The following SAG variants were observed in gnomAD, a reference collection of about 807,000 sequenced individuals.
The protein encoded by SAG is S-antigen visual arrestin, also known as S-arrestin.
SAG carries 45 observed loss-of-function variants against 55.0 expected under a neutral mutation model. The observed-to-expected ratio is 0.82, with a 90% CI of 0.64 to 1.05. The LOEUF (loss-of-function observed/expected upper bound fraction) is 1.05, where lower values mean the gene tolerates loss of function less well. Ranked by LOEUF, SAG falls within the 50% of genes least tolerant of loss-of-function variation. The pLI is 0.00. For missense variants in SAG, 455 were observed against 512.1 expected, an observed-to-expected ratio of 0.89 and a Z score of 1.08; for synonymous variants, 189 against 197.4, an observed-to-expected ratio of 0.96 and a Z score of 0.36.
At chr2:233,327,065 C>T (rs1303888965) in intron 6 of SAG, 56 bp from the exon 7 acceptor site, 34 of 1,412,556 alleles carry the variant, frequency 2.4e-5, no homozygotes, top group South Asian at 4.6e-5. Flanking sequence ...CCCTCTGGCC[C>T]GGCACCCAGG....
At chr2:233,330,519 TCCTTCCTTCCTTCCTTCCTTCCTC>T (rs1288657433) in intron 9 of SAG, among the ~76,000 whole-genome samples, 4 of 147,980 alleles carry the variant, frequency 2.7e-5, no homozygotes. Flanking sequence ...CTTCCTTCCT[TCCTTCCTTCCTTCCTTCCTTCCTC>T]CCTTTCTTTC....
chr2:233,320,264 C>T (rs1700338064), intron 4 of SAG, among the ~76,000 whole-genome samples: 1 of 152,232 alleles, frequency 6.6e-6, no homozygotes. Context: ...GTCCAGACAT[C>T]CTGCCCTCTA....
chr2:233,315,265 G>C (rs1043110430), intron 2 of SAG, among the ~76,000 whole-genome samples: 1 of 142,114 alleles, frequency 7.0e-6, no homozygotes, highest in East Asian at 2.1e-4. Context: ...ACACCTCTTT[G>C]CGTTGTCCAG....
chr2:233,315,465 G>T (rs1700191916), intron 2 of SAG, among the ~76,000 whole-genome samples: 1 of 150,892 alleles, frequency 6.6e-6, no homozygotes, highest in Admixed American at 6.6e-5. Flanking sequence ...GCTAATTTTT[G>T]TGTTTTTAGT....
chr2:233,309,661 A>C (rs1700024101), intron 2 of SAG, among the ~76,000 whole-genome samples: 1 of 152,096 alleles, frequency 6.6e-6, no homozygotes, highest in Non-Finnish European at 1.5e-5. Context: ...AAAACAAACA[A>C]ACACTGTGAG....
chr2:233,309,223 C>A lies in SAG; in HGVS notation c.34C>A (p.Pro12Thr). The change falls in exon 2 of 16, where the codon CCG becomes ACG. Residue 12 changes from proline (P) to threonine (T), a missense_variant. Physicochemically the swap from Pro to Thr is conservative, Grantham distance 38. Coordinates refer to ENST00000409110, the MANE Select transcript of SAG (RefSeq NM_000541.5). ...AASGKTSKSE[P>T]NHVIFKKISR... ...CAGCGGGAAGACCAGCAAGTCCGAA[C>A]CGAACCATGTTATCTTCAAGAAGAT... 1 of 1,613,830 alleles carries A rather than the reference C, an allele frequency of 6.2e-7. No individual in the cohort carries two copies. The highest frequency in any genetic ancestry group is 8.5e-7 in the Non-Finnish European group (1 of 1,179,826).
chr2:233,329,417 G>T, intron 8 of SAG, 76 bp from the exon 9 acceptor site: 1 of 859,554 alleles, frequency 1.2e-6, no homozygotes, highest in Non-Finnish European at 2.0e-6. Flanking sequence ...GGATTGAGAT[G>T]AATCTAGAAA....
chr2:233,309,023 G>A (rs1319437064), intron 1 of SAG, 139 bp from the exon 2 acceptor site: 4 of 557,204 alleles, frequency 7.2e-6, no homozygotes, highest in Admixed American at 6.2e-5. Context: ...ATGAAACTCG[G>A]ATGTTGAAGC....
Position 233,309,307 on chromosome 2 carries a change from TA to T in SAG, c.75+51del, listed in dbSNP as rs746760477. 52 of 1,547,234 alleles carry T rather than the reference TA, an allele frequency of 3.4e-5. No homozygotes were observed. The East Asian group carries it at 4.5e-4, about 14-fold the overall frequency. ...GAGTGATTTGATAGAAATTATTGTT[TA>T]AAAAAAATGGAGCTTTTTCAAGTAC... On this transcript the variant is annotated intron_variant, in intron 2 of 15. Transcript: ENST00000409110.
intron 2 of SAG, among the ~76,000 whole-genome samples, chr2:233,309,930 T>C (rs1700031559): frequency 1.3e-5 from 2 of 152,240 alleles, no homozygotes; most frequent in Admixed American, 1.3e-4. Flanking sequence ...CTTGGCCTTT[T>C]GTCTATCTAT....
intron 9 of SAG, 163 bp from the exon 10 acceptor site, chr2:233,331,477 A>T: frequency 1.5e-6 from 1 of 684,980 alleles, no homozygotes; most frequent in South Asian, 1.6e-5. Context: ...CAGGACTTCA[A>T]AACCCCAGCC....
chr2:233,326,720 C>T (rs1284712722), intron 6 of SAG, among the ~76,000 whole-genome samples: 8 of 152,160 alleles, frequency 5.3e-5, no homozygotes, highest in Non-Finnish European at 7.4e-5. Context: ...TGGACCCCAG[C>T]GCTGGCCCTG....
Position 233,309,256 on chromosome 2 carries a change from GACAAATCGGTGAGTGGTGC to G in SAG, c.72_75+15del, listed in dbSNP as rs771810575. The G allele has an allele frequency of 4.3e-6, 7 of 1,613,420 alleles. No homozygotes were observed. The East Asian group carries it at 1.3e-4, about 31-fold the overall frequency. On this transcript the variant is annotated splice_donor_variant and splice_donor_5th_base_variant and coding_sequence_variant and intron_variant, in exon 2 of 16. Transcript: ENST00000409110. LOFTEE classifies it high-confidence loss of function. Reference sequence around the variant, plus strand: ...TGTTATCTTCAAGAAGATCTCCCGGGACAAATCGGTGAGTGGTGCACAAGTGAGTGATTTGATAGAAATT... The same window carrying G: ...TGTTATCTTCAAGAAGATCTCCCGGGACAAGTGAGTGATTTGATAGAAATT...
At chr2:233,344,573 T>C (rs886515497) in intron 14 of SAG, 1 of 152,240 alleles carries the variant, frequency 6.6e-6, no homozygotes, top group Admixed American at 6.5e-5. Flanking sequence ...AACAATGATC[T>C]TTTGTACTGT....
intron 10 of SAG, 68 bp from the exon 11 acceptor site, chr2:233,334,894 A>G: frequency 6.3e-7 from 1 of 1,577,580 alleles, no homozygotes; most frequent in South Asian, 1.1e-5. Context: ...GCCTAATGTC[A>G]AATAGGGGCT....
rs144427225 is a variant in SAG at position 233,346,431 on chromosome 2, T to C, written c.1112+19T>C. 746 of 1,613,636 alleles carry C rather than the reference T, an allele frequency of 4.6e-4. 3 individuals carry two copies. In the African/African-American group the frequency reaches 8.4e-3, roughly 18 times the overall value. On this transcript the variant is annotated intron_variant, in intron 15 of 15. Coordinates refer to ENST00000409110, the MANE Select transcript of SAG (RefSeq NM_000541.5). ...AGGAAAGGTGAGTGAGCCTCTTGAA[T>C]GTGGCCCTGATTTGTCCTATGCTCT...
intron 5 of SAG, among the ~76,000 whole-genome samples, chr2:233,322,516 C>A (rs540743247): frequency 9.2e-5 from 14 of 152,112 alleles, no homozygotes; most frequent in Non-Finnish European, 1.8e-4. Context: ...CATATTTGGG[C>A]GTGGCCAGTT....
rs780117205 is a variant in SAG at position 233,342,269 on chromosome 2, A to G, written c.1047-2A>G. 11 of 1,603,344 alleles carry G rather than the reference A, an allele frequency of 6.9e-6. No individual in the cohort carries two copies. In the African/African-American group the frequency reaches 8.0e-5, roughly 12 times the overall value. ...ACACCAATCTTCATTCTTTTTTTCT[A>G]GTGAAGTCGCCACTGAGGTCCCATT... On this transcript the variant is annotated splice_acceptor_variant, in intron 13 of 15. Transcript: ENST00000409110. LOFTEE classifies it high-confidence loss of function.
In SAG at chr2:233,338,691, A is replaced by G; in HGVS notation, c.960A>G (p.Ile320Met). The G allele has an allele frequency of 6.2e-7, 1 of 1,613,940 alleles. No homozygotes were observed. Among genetic ancestry groups the G allele is most frequent in the Non-Finnish European group, 8.5e-7 (1 of 1,179,854 alleles). ...GTTTGGGCAGCATTAAGGAGGGCAT[A>G]GACCGGACCGTCCTGGGAATCCTGG... ...LASSTIIKEG[I>M]DRTVLGILVS... The change falls in exon 12 of 16, where the codon ATA becomes ATG. Residue 320 changes from isoleucine (I) to methionine (M), a missense_variant. By Grantham distance (10) the Ile-to-Met change is conservative. Coordinates refer to ENST00000409110, the MANE Select transcript of SAG (RefSeq NM_000541.5).
Sources: gnomAD v4.1 joint callset for allele counts (sites outside exome capture counted in the v4.1 genomes callset) on GRCh38, gnomAD v4.1.1 for gene constraint, MANE v1.5 for transcripts, NCBI Gene and HGNC (gene_info 2026-07-23, HGNC 2026-07-21) for gene names.